B3GALNT2: variants seen among roughly 807,000 people sequenced by gnomAD.
B3GALNT2 encodes UDP-GalNAc:beta-1,3-N-acetylgalactosaminyltransferase 2.
A neutral mutation model predicts 61.1 loss-of-function variants in B3GALNT2; 53 were observed. The observed-to-expected ratio is 0.87, with a 90% CI of 0.70 to 1.09. B3GALNT2 has a LOEUF of 1.09. Among genes scored for constraint, B3GALNT2 ranks in the 50% least tolerant of loss-of-function variants. The pLI, the probability that B3GALNT2 is intolerant of heterozygous loss-of-function variation, is 0.00. For missense variants in B3GALNT2, 544 were observed against 623.0 expected, an observed-to-expected ratio of 0.87 and a Z score of 1.35; for synonymous variants, 223 against 237.4, an observed-to-expected ratio of 0.94 and a Z score of 0.56.
At chr1:235,487,939 C>G (rs1373125745) in intron 3 of B3GALNT2, among the ~76,000 whole-genome samples, 3 of 152,084 alleles carry the variant, frequency 2.0e-5, no homozygotes, top group African/African-American at 7.2e-5. Context: ...CAGGCATGAG[C>G]CACAATACTT....
At chr1:235,457,631 T>C (rs1254638576) in intron 8 of B3GALNT2, among the ~76,000 whole-genome samples, 1 of 152,174 alleles carries the variant, frequency 6.6e-6, no homozygotes, top group Non-Finnish European at 1.5e-5. Flanking sequence ...TTCTGGGAGT[T>C]GTGGAATTTT....
intron 2 of B3GALNT2, among the ~76,000 whole-genome samples, chr1:235,491,033 A>T (rs1222822089): frequency 6.6e-6 from 1 of 151,986 alleles, no homozygotes; most frequent in Non-Finnish European, 1.5e-5. Flanking sequence ...TGATAATGCA[A>T]ATTAAGCTTA....
intron 5 of B3GALNT2, among the ~76,000 whole-genome samples, chr1:235,474,922 AC>A (rs1417182559): frequency 7.1e-6 from 1 of 141,064 alleles, no homozygotes; most frequent in African/African-American, 2.6e-5. Flanking sequence ...TTCCAACTGT[AC>A]CATTAAGGAC....
intron 8 of B3GALNT2, among the ~76,000 whole-genome samples, chr1:235,456,705 G>A (rs1341829323): frequency 6.6e-6 from 1 of 152,162 alleles, no homozygotes; most frequent in African/African-American, 2.4e-5. Context: ...AGAGAAGGTG[G>A]CAGCCAACAA....
At chr1:235,494,120 A>G (rs189187813) in intron 2 of B3GALNT2, among the ~76,000 whole-genome samples, 3 of 152,330 alleles carry the variant, frequency 2.0e-5, no homozygotes, top group Non-Finnish European at 4.4e-5. Context: ...AAATACTACA[A>G]AACTGAAAAA....
chr1:235,458,455 CAGG>C lies in B3GALNT2; in HGVS notation c.1025+145_1025+147del, dbSNP rs780497396. ...ATCTTACCTACTCAGGAGGCTAAGGCAGGAGGTTTGCCTGCACTCAGGAGTTCA... is the reference window on the plus strand; with the variant it reads ...ATCTTACCTACTCAGGAGGCTAAGGCAGGTTTGCCTGCACTCAGGAGTTCA... On this transcript the variant is annotated intron_variant, in intron 8 of 11. Transcript: ENST00000366600. 745 of 968,032 alleles carry C rather than the reference CAGG, an allele frequency of 7.7e-4. 6 individuals are homozygous for C. Among genetic ancestry groups the C allele is most frequent in the Non-Finnish European group, 1.0e-3 (704 of 703,220 alleles). The allele number at this position is 968,032 out of a possible 1,614,324, so 60.0% of individuals were successfully genotyped here.
At chr1:235,450,552 G>C in intron 11 of B3GALNT2, 1 of 526,530 alleles carries the variant, frequency 1.9e-6, no homozygotes, top group Non-Finnish European at 3.4e-6. Flanking sequence ...GTGGAATACA[G>C]AAACAAGGCG....
At chr1:235,488,604 A>G (rs1684912137) in intron 3 of B3GALNT2, among the ~76,000 whole-genome samples, 1 of 124,358 alleles carries the variant, frequency 8.0e-6, no homozygotes, top group Non-Finnish European at 1.7e-5. Context: ...GAATTTCTTG[A>G]ACCTAGGAGG....
intron 1 of B3GALNT2, among the ~76,000 whole-genome samples, chr1:235,495,072 A>C (rs1685254992): frequency 1.3e-5 from 2 of 152,190 alleles, no homozygotes; most frequent in Non-Finnish European, 2.9e-5. Context: ...TAAGTATACT[A>C]ATTCTTCAAA....
At chr1:235,465,606 T>C (rs1683654256) in intron 7 of B3GALNT2, 30 bp downstream of exon 7, 1 of 1,612,182 alleles carries the variant, frequency 6.2e-7, no homozygotes, top group Non-Finnish European at 8.5e-7. Flanking sequence ...ACATTCAGTG[T>C]ACTTTTCAAG....
intron 1 of B3GALNT2, 147 bp downstream of exon 1, chr1:235,503,994 G>T: frequency 1.1e-6 from 1 of 907,958 alleles, no homozygotes; most frequent in Non-Finnish European, 1.4e-6. Flanking sequence ...AACGCTCCAA[G>T]GATGAAAAGA....
At position 235,448,737 on chromosome 1, in the gene B3GALNT2, G is replaced by GAGAT. The variant is rs1682669597; in HGVS notation, c.*1465_*1468dup. On this transcript the variant is annotated 3_prime_UTR_variant, in exon 12 of 12. Transcript: ENST00000366600. ...TTACAGTTTTATTCTGTGGAAAATGGAGATTGTCTATTAGTGCGATGGTGA... is the reference window on the plus strand; with the variant it reads ...TTACAGTTTTATTCTGTGGAAAATGGAGATAGATTGTCTATTAGTGCGATGGTGA... 1.9e-6 allele frequency: 3 copies of GAGAT among 1,613,804 alleles called. No individual in the cohort carries two copies. In the African/African-American group the frequency reaches 4.0e-5, roughly 22 times the overall value.
At position 235,504,126 on chromosome 1, in the gene B3GALNT2, GC is replaced by G; in HGVS notation, c.112+14del. 1 of 1,209,360 alleles carries G rather than the reference GC, an allele frequency of 8.3e-7. No individual in the cohort carries two copies. 74.9% of individuals were successfully genotyped at this position (1,209,360 alleles called of 1,614,324 possible). A position where few individuals can be genotyped will look rare whatever the true frequency, so the allele number is the denominator to read the frequency against. Reference sequence around the variant, plus strand: ...CCCCCGGCGGCCGCCAACCCGCCCGGCCCCAGGACCTCACCTGCAGGGCCGG... The same window carrying G: ...CCCCCGGCGGCCGCCAACCCGCCCGGCCCAGGACCTCACCTGCAGGGCCGG... On this transcript the variant is annotated intron_variant, in intron 1 of 11. Transcript: ENST00000366600.
At chr1:235,444,428 T>C (rs1375400691), downstream of B3GALNT2, among the ~76,000 whole-genome samples, 1 of 152,164 alleles carries the variant, frequency 6.6e-6, no homozygotes, top group Non-Finnish European at 1.5e-5. Context: ...AGATGGGGTC[T>C]GGCTGTCACT....
At position 235,449,189 on chromosome 1, in the gene B3GALNT2, A is replaced by G; in HGVS notation, c.*1017T>C. ...GGTCATTTTGGGAAATGTCCCTTAA[A>G]CTTGGGGAGACATCCTCTACTATGT... On this transcript the variant is annotated 3_prime_UTR_variant, in exon 12 of 12. Coordinates refer to ENST00000366600, the MANE Select transcript of B3GALNT2 (RefSeq NM_152490.5). The G allele has an allele frequency of 8.1e-6, 2 of 248,028 alleles. No homozygotes were observed. Among genetic ancestry groups the G allele is most frequent in the South Asian group, 4.9e-5 (1 of 20,260 alleles). The allele number at this position is 248,028 out of a possible 1,614,324, so 15.4% of individuals were successfully genotyped here. A position where few individuals can be genotyped will look rare whatever the true frequency, so the allele number is the denominator to read the frequency against.
At chr1:235,469,029 C>A (rs1208384178) in intron 6 of B3GALNT2, among the ~76,000 whole-genome samples, 1 of 152,092 alleles carries the variant, frequency 6.6e-6, no homozygotes, top group African/African-American at 2.4e-5. Context: ...TGAATGAAAT[C>A]CTAAACATGG....
chr1:235,469,364 C>G (rs1683877160), intron 6 of B3GALNT2, among the ~76,000 whole-genome samples: 1 of 152,196 alleles, frequency 6.6e-6, no homozygotes, highest in Non-Finnish European at 1.5e-5. Context: ...TTCCACCGTA[C>G]AGACCGTTTG....
chr1:235,458,821 C>A, intron 7 of B3GALNT2, 35 bp from the exon 8 acceptor site: 1 of 1,529,752 alleles, frequency 6.5e-7, no homozygotes, highest in South Asian at 1.3e-5. Flanking sequence ...GAGAAAAATG[C>A]TGTTGTAAAG....
intron 1 of B3GALNT2, among the ~76,000 whole-genome samples, chr1:235,498,843 CAAAAAAAAAAAAAAAAA>C (rs57291873): frequency 2.8e-4 from 18 of 64,122 alleles, no homozygotes; most frequent in South Asian, 1.0e-3. Context: ...GACTCCTTCT[CAAAAAAAAAAAAAAAAA>C]AAAAAAAAAA....
Sources: gnomAD v4.1 joint callset for allele counts (sites outside exome capture counted in the v4.1 genomes callset) on GRCh38, gnomAD v4.1.1 for gene constraint, MANE v1.5 for transcripts, NCBI Gene and HGNC (gene_info 2026-07-23, HGNC 2026-07-21) for gene names.